UNC13C: variants seen among roughly 807,000 people sequenced by gnomAD.
UNC13C encodes the protein unc-13 homolog C.
UNC13C carries 174 observed loss-of-function variants against 245.4 expected under a neutral mutation model. The ratio of observed to expected loss-of-function variants is 0.71; its 90% CI spans 0.63 to 0.80. The LOEUF (loss-of-function observed/expected upper bound fraction) is 0.80, where lower values mean the gene tolerates loss of function less well. Ranked by LOEUF, UNC13C falls within the 30% of genes least tolerant of loss-of-function variation. The pLI is 0.00. For synonymous variants in UNC13C, 992 were observed against 895.1 expected (o/e 1.11, Z -1.93); for missense variants, 2,829 against 2,602.9 (o/e 1.09, Z -1.89).
In UNC13C at chr15:54,233,576, T is replaced by A. The variant is rs113108251; in HGVS notation, c.3072-1454T>A. 4.4e-4 allele frequency among the ~76,000 whole-genome samples: 67 copies of A among 152,358 alleles called. 6 individuals are homozygous for A. The highest frequency in any genetic ancestry group is 1.5e-3 in the African/African-American group (64 of 41,584). On this transcript the variant is annotated intron_variant, in intron 4 of 32. Coordinates refer to ENST00000260323, the MANE Select transcript of UNC13C (RefSeq NM_001080534.3). Reference sequence around the variant, plus strand: ...TACTTTGTTTTCATTTCTATTGACATGAATTTTATGACACATTTAGTTACT... The same window carrying A: ...TACTTTGTTTTCATTTCTATTGACAAGAATTTTATGACACATTTAGTTACT...
At chr15:54,192,757 C>G (rs190093629) in intron 4 of UNC13C, among the ~76,000 whole-genome samples, 4 of 152,188 alleles carry the variant, frequency 2.6e-5, no homozygotes, top group East Asian at 1.9e-4. Context: ...ACTCGGCTTC[C>G]CACTGGGCCT....
At chr15:54,063,774 G>C (rs1308278482) in intron 2 of UNC13C, among the ~76,000 whole-genome samples, 1 of 152,118 alleles carries the variant, frequency 6.6e-6, no homozygotes, top group Non-Finnish European at 1.5e-5. Flanking sequence ...AATCTTTTTG[G>C]TGCAGGAAAA....
chr15:53,866,400 A>G, the UNC13C span, among the ~76,000 whole-genome samples: 1 of 152,330 alleles, frequency 6.6e-6, no homozygotes, highest in South Asian at 2.1e-4. Context: ...CCACATAGAC[A>G]ACACAATATG....
At chr15:54,080,006 GTT>G (rs3985784) in intron 2 of UNC13C, among the ~76,000 whole-genome samples, 20,264 of 129,916 alleles carry the variant, frequency 0.16, 1,594 homozygotes, top group Middle Eastern at 0.25. Flanking sequence ...TTGTCGAGCG[GTT>G]TTTTTTTTTT....
chr15:54,201,973 A>G (rs1449284563), intron 4 of UNC13C, among the ~76,000 whole-genome samples: 1 of 152,082 alleles, frequency 6.6e-6, no homozygotes, highest in Non-Finnish European at 1.5e-5. Flanking sequence ...AAGTTTCAGG[A>G]TATAAAATCA....
At chr15:54,599,880 C>G (rs1899315161) in intron 30 of UNC13C, among the ~76,000 whole-genome samples, 1 of 152,122 alleles carries the variant, frequency 6.6e-6, no homozygotes. Flanking sequence ...TCTCTCGCAC[C>G]TCTTCCTAAC....
At chr15:54,352,531 G>C (rs189186516) in intron 17 of UNC13C, among the ~76,000 whole-genome samples, 1 of 151,660 alleles carries the variant, frequency 6.6e-6, no homozygotes, top group African/African-American at 2.4e-5. Context: ...TTTGTAGCAT[G>C]TTTCTTCTAA....
intron 4 of UNC13C, among the ~76,000 whole-genome samples, chr15:54,203,853 T>C (rs28888068): frequency 0.013 from 628 of 47,436 alleles, 8 homozygotes; most frequent in African/African-American, 0.036. Context: ...TATACACGTA[T>C]ATATACATAT....
chr15:54,426,768 T>C (rs373490518), intron 19 of UNC13C, among the ~76,000 whole-genome samples: 2 of 151,828 alleles, frequency 1.3e-5, no homozygotes, highest in South Asian at 2.1e-4. Context: ...TTACCCGCCA[T>C]GCAACACTGA....
chr15:53,896,647 G>A, the UNC13C span, among the ~76,000 whole-genome samples: 2 of 151,970 alleles, frequency 1.3e-5, no homozygotes, highest in Admixed American at 6.6e-5. Context: ...ACCAGGTCAT[G>A]TTCAGGGCAA....
intron 30 of UNC13C, among the ~76,000 whole-genome samples, chr15:54,620,817 C>T (rs758388188): frequency 2.7e-5 from 4 of 150,848 alleles, no homozygotes; most frequent in Non-Finnish European, 4.4e-5. Flanking sequence ...CTCCCAAAAG[C>T]AGGCTATAAT....
At chr15:54,087,236 A>C (rs1899295398) in intron 2 of UNC13C, among the ~76,000 whole-genome samples, 1 of 152,092 alleles carries the variant, frequency 6.6e-6, no homozygotes, top group Non-Finnish European at 1.5e-5. Flanking sequence ...AAAAAAATAA[A>C]TCAAAGAGTC....
chr15:54,342,231 G>A (rs1264264068), intron 17 of UNC13C, among the ~76,000 whole-genome samples: 1 of 151,632 alleles, frequency 6.6e-6, no homozygotes, highest in Admixed American at 6.6e-5. Flanking sequence ...ATCCTTTTTT[G>A]GTTATATGGA....
At chr15:54,611,921 A>C (rs1900123050) in intron 30 of UNC13C, among the ~76,000 whole-genome samples, 1 of 152,100 alleles carries the variant, frequency 6.6e-6, no homozygotes, top group Non-Finnish European at 1.5e-5. Context: ...ATGACCTTGC[A>C]ACATAAGTAT....
chr15:54,606,550 C>T (rs144898284), intron 30 of UNC13C, among the ~76,000 whole-genome samples: 26 of 152,284 alleles, frequency 1.7e-4, no homozygotes, highest in African/African-American at 5.8e-4. Context: ...CCCAGAGTTT[C>T]AGAGCAAGTA....
chr15:54,074,768 A>G (rs1898505720), intron 2 of UNC13C, among the ~76,000 whole-genome samples: 1 of 152,054 alleles, frequency 6.6e-6, no homozygotes, highest in Non-Finnish European at 1.5e-5. Context: ...CCTTATGGAG[A>G]TTTGGGGGTG....
At position 54,371,736 on chromosome 15, in the gene UNC13C, A is replaced by G. The variant is rs185810426; in HGVS notation, c.4714-21312A>G. ...TATATATACACACACACACACACAC[A>G]CATACCAGTGGAATACTATTGAGCC... On this transcript the variant is annotated intron_variant, in intron 17 of 32. Coordinates refer to ENST00000260323, the MANE Select transcript of UNC13C (RefSeq NM_001080534.3). Among the ~76,000 whole-genome samples the G allele has an allele frequency of 4.4e-4, 67 of 152,058 alleles. 1 individual carries two copies. The East Asian group carries it at 0.01, about 24-fold the overall frequency.
intron 29 of UNC13C, among the ~76,000 whole-genome samples, chr15:54,561,686 A>G (rs530287000): frequency 7.5e-4 from 114 of 152,136 alleles, no homozygotes; most frequent in African/African-American, 2.5e-3. Flanking sequence ...TGCCCTCAGT[A>G]TATTTCATAA....
chr15:54,038,122 A>AAAAATTTTTTTTTTTTTTT (rs1896658005), intron 2 of UNC13C, among the ~76,000 whole-genome samples: 14 of 50,242 alleles, frequency 2.8e-4, no homozygotes, highest in African/African-American at 1.3e-3. Context: ...ATATATATAT[A>AAAAATTTTTTTTTTTTTTT]TATTTTTTTT....
Sources: gnomAD v4.1 joint callset for allele counts (sites outside exome capture counted in the v4.1 genomes callset) on GRCh38, gnomAD v4.1.1 for gene constraint, MANE v1.5 for transcripts, NCBI Gene and HGNC (gene_info 2026-07-23, HGNC 2026-07-21) for gene names.